UBA6: variants seen among roughly 807,000 people sequenced by gnomAD.
The protein encoded by UBA6 is ubiquitin-like modifier-activating enzyme 6.
A neutral mutation model predicts 148.3 loss-of-function variants in UBA6; 87 were observed. The observed-to-expected ratio is 0.59, with a 90% CI of 0.49 to 0.70. The LOEUF is 0.70. UBA6 is among the 30% of genes least tolerant of loss of function. UBA6 has a pLI of 0.00. For missense variants in UBA6, 1,186 were observed against 1,241.2 expected (o/e 0.96, Z 0.67); for synonymous variants, 376 against 401.0 (o/e 0.94, Z 0.75).
At chr4:67,692,223 G>A (rs1357453861) in intron 2 of UBA6, among the ~76,000 whole-genome samples, 2 of 152,110 alleles carry the variant, frequency 1.3e-5, no homozygotes, top group South Asian at 2.1e-4. Context: ...AGCTTCTGCC[G>A]ATCAAGAGGC....
chr4:67,693,826 G>A (rs1363599510), intron 2 of UBA6, among the ~76,000 whole-genome samples: 1 of 152,004 alleles, frequency 6.6e-6, no homozygotes, highest in East Asian at 1.9e-4. Context: ...AGAGGCTAAG[G>A]ATCCTCATTT....
At chr4:67,622,482 C>T (rs1190152335) in intron 32 of UBA6, among the ~76,000 whole-genome samples, 1 of 152,216 alleles carries the variant, frequency 6.6e-6, no homozygotes, top group Non-Finnish European at 1.5e-5. Context: ...ACCTGGCACA[C>T]AGCTGGCACC....
In UBA6 at chr4:67,676,267, G is replaced by A. The variant is rs1206378349; in HGVS notation, c.465+1344C>T. ...TCGAACTCCTGACCTTAGGTGATCC[G>A]CCCACCTCGGCCTCCCAAAGTGCTG... On this transcript the variant is annotated intron_variant, in intron 6 of 32. Transcript: ENST00000322244. Among the ~76,000 whole-genome samples the A allele has an allele frequency of 2.1e-4, 32 of 151,940 alleles. 1 individual carries two copies. The highest frequency in any genetic ancestry group is 7.4e-5 in the Non-Finnish European group (5 of 67,984).
At chr4:67,640,488 T>C (rs2109912150) in intron 18 of UBA6, among the ~76,000 whole-genome samples, 1 of 152,294 alleles carries the variant, frequency 6.6e-6, no homozygotes, top group Middle Eastern at 3.4e-3. Context: ...TAAAACTTTT[T>C]TTTAGGGTAG....
intron 9 of UBA6, among the ~76,000 whole-genome samples, chr4:67,666,974 A>C (rs538711240): frequency 6.6e-6 from 1 of 152,308 alleles, no homozygotes; most frequent in African/African-American, 2.4e-5. Flanking sequence ...GCAATTTATA[A>C]ATGTTAAGGA....
chr4:67,665,402 T>C, intron 9 of UBA6, 110 bp from the exon 10 acceptor site: 1 of 669,316 alleles, frequency 1.5e-6, no homozygotes. Flanking sequence ...ATTAAAGAAT[T>C]CCAGCATAGT....
chr4:67,656,117 G>A lies in UBA6; in HGVS notation c.1104+6072C>T, dbSNP rs528169582. Among the ~76,000 whole-genome samples the A allele has an allele frequency of 3.3e-5, 5 of 152,302 alleles. No individual in the cohort carries two copies. The South Asian group carries it at 1.0e-3, about 32-fold the overall frequency. Reference sequence around the variant, plus strand: ...CGAATTCTACCAGAGGTACAAGGAGGAGCTGGTACCATTCCTTCTGAAAGT... The same window carrying A: ...CGAATTCTACCAGAGGTACAAGGAGAAGCTGGTACCATTCCTTCTGAAAGT... On this transcript the variant is annotated intron_variant, in intron 13 of 32. Coordinates refer to ENST00000322244, the MANE Select transcript of UBA6 (RefSeq NM_018227.6).
chr4:67,676,019 CTTTTT>C (rs397878783), intron 6 of UBA6, among the ~76,000 whole-genome samples: 1 of 117,152 alleles, frequency 8.5e-6, no homozygotes, highest in African/African-American at 3.3e-5. Context: ...ATAGTACTAC[CTTTTT>C]TTTTTTTTTT....
chr4:67,685,865 A>C (rs536087786), intron 2 of UBA6, among the ~76,000 whole-genome samples: 1 of 152,178 alleles, frequency 6.6e-6, no homozygotes, highest in East Asian at 1.9e-4. Flanking sequence ...CCTTGATCTT[A>C]CACTTCCTAG....
chr4:67,694,672 C>G (rs1484507299), intron 2 of UBA6, among the ~76,000 whole-genome samples: 1 of 152,212 alleles, frequency 6.6e-6, no homozygotes, highest in Non-Finnish European at 1.5e-5. Context: ...GCTGGGATTA[C>G]AGGCATGAGC....
At chr4:67,637,192 A>ACCCGGCCAGCCGC in intron 19 of UBA6, among the ~76,000 whole-genome samples, 1 of 123,632 alleles carries the variant, frequency 8.1e-6, no homozygotes, top group East Asian at 2.7e-4. Context: ...GGCAGCCCCC[A>ACCCGGCCAGCCGC]CCCGGCCAGC....
At position 67,701,059 on chromosome 4, in the gene UBA6, C is replaced by G. The variant is rs752586523; in HGVS notation, c.61G>C (p.Gly21Arg). The G allele has an allele frequency of 3.1e-6, 5 of 1,613,806 alleles. No individual in the cohort carries two copies. In the South Asian group the frequency reaches 5.5e-5, roughly 18 times the overall value. ...TTCTCGTCCTCTCACCTGCCAGTCC[C>G]CCAGGAAGAACAGGACGCCTCTTCC... ...QGEEASCSSW[G>R]TGSTNKNLPI... Residue 21 changes from glycine to arginine, a missense_variant, in exon 1 of 33, where the codon GGG becomes CGG. Gly to Arg is a moderately radical substitution (Grantham distance 125). Coordinates refer to ENST00000322244, the MANE Select transcript of UBA6 (RefSeq NM_018227.6).
intron 11 of UBA6, chr4:67,663,606 C>A (rs1729917524): frequency 9.1e-6 from 4 of 440,368 alleles, no homozygotes; most frequent in South Asian, 4.1e-5. Flanking sequence ...CATCTTTGTA[C>A]AAGTTATTGA....
At chr4:67,674,838 T>C (rs975537727) in intron 6 of UBA6, among the ~76,000 whole-genome samples, 1 of 152,142 alleles carries the variant, frequency 6.6e-6, no homozygotes, top group African/African-American at 2.4e-5. Context: ...TTATTTTAAC[T>C]TGTCCATAAT....
chr4:67,636,072 T>C (rs1218633633), intron 19 of UBA6, among the ~76,000 whole-genome samples: 6 of 152,178 alleles, frequency 3.9e-5, no homozygotes, highest in Non-Finnish European at 8.8e-5. Flanking sequence ...CACCCTAACA[T>C]TGAGGAGTCA....
rs184720882 is a variant in UBA6, at chr4:67,660,749, G to A, written c.1104+1440C>T. ...AGAGTGCCACAGTCCTCCAGATCCC[G>A]GAATGGTAGATCCAACGAAAGCTTG... On this transcript the variant is annotated intron_variant, in intron 13 of 32. Coordinates refer to ENST00000322244, the MANE Select transcript of UBA6 (RefSeq NM_018227.6). Among the ~76,000 whole-genome samples, 29 of 152,228 alleles carry A rather than the reference G, an allele frequency of 1.9e-4. No individual in the cohort carries two copies. In the East Asian group the frequency reaches 3.1e-3, roughly 16 times the overall value.
At chr4:67,667,220 A>G (rs575876298) in intron 9 of UBA6, among the ~76,000 whole-genome samples, 55 of 152,194 alleles carry the variant, frequency 3.6e-4, no homozygotes, top group Non-Finnish European at 6.6e-4. Flanking sequence ...ATATTATTTA[A>G]TATCTATGAT....
rs924002188 is a variant in UBA6 at position 67,689,747 on chromosome 4, T to C, written c.134+6898A>G. Among the ~76,000 whole-genome samples, 3 of 147,318 alleles carry C rather than the reference T, an allele frequency of 2.0e-5. No homozygotes were observed. The Admixed American group carries it at 2.0e-4, about 10-fold the overall frequency. ...GCACCTTTTTCAGACTTTTTTGTCATATCCTTAGTTTTGGTTCCTGCCAAC... is the reference window on the plus strand; with the variant it reads ...GCACCTTTTTCAGACTTTTTTGTCACATCCTTAGTTTTGGTTCCTGCCAAC... On this transcript the variant is annotated intron_variant, in intron 2 of 32. Transcript: ENST00000322244.
In UBA6 at chr4:67,614,916, A is replaced by C. The variant is rs1215665253; in HGVS notation, c.*4081T>G. 1.3e-5 allele frequency: 2 copies of C among 152,232 alleles called. No homozygotes were observed. Among genetic ancestry groups the C allele is most frequent in the Non-Finnish European group, 2.9e-5 (2 of 68,044 alleles). 9.4% of individuals were successfully genotyped at this position (152,232 alleles called of 1,614,324 possible). A position where few individuals can be genotyped will look rare whatever the true frequency, so the allele number is the denominator to read the frequency against. On this transcript the variant is annotated 3_prime_UTR_variant, in exon 33 of 33. Coordinates refer to ENST00000322244, the MANE Select transcript of UBA6 (RefSeq NM_018227.6). ...TCCTGACAAGATACTTTACAAAAAC[A>C]GAAAGTCAAATTGGCCAATAAACTT...
Sources: allele counts gnomAD v4.1 joint callset (sites outside exome capture counted in the v4.1 genomes callset), GRCh38; gene constraint gnomAD v4.1.1; transcripts MANE v1.5; gene names NCBI Gene and HGNC (gene_info 2026-07-23, HGNC 2026-07-21).